Variants in BTRC observed in about 807,000 individuals in gnomAD.
BTRC encodes beta-transducin repeat containing E3 ubiquitin protein ligase.
Under a neutral mutation model 85.5 loss-of-function variants are expected in BTRC, and 42 were observed. That is an observed-to-expected ratio of 0.49 (90% CI 0.38 to 0.64). The LOEUF (loss-of-function observed/expected upper bound fraction) is 0.64, where lower values mean the gene tolerates loss of function less well. Ranked by LOEUF, BTRC falls within the 30% of genes least tolerant of loss-of-function variation. The pLI is 0.00. For missense variants in BTRC, 594 were observed against 743.5 expected, an observed-to-expected ratio of 0.80 and a Z score of 2.34; for synonymous variants, 255 against 263.3, an observed-to-expected ratio of 0.97 and a Z score of 0.30.
intron 1 of BTRC, among the ~76,000 whole-genome samples, chr10:101,403,526 C>T (rs577065681): frequency 2.3e-4 from 35 of 152,246 alleles, no homozygotes; most frequent in South Asian, 1.7e-3. Context: ...TTGAGACCAT[C>T]CAGTGAGTTT....
intron 1 of BTRC, among the ~76,000 whole-genome samples, chr10:101,392,748 T>C (rs1004845712): frequency 2.6e-5 from 4 of 152,150 alleles, no homozygotes; most frequent in Admixed American, 2.6e-4. Context: ...GGTCTCGAAC[T>C]CCTGACCTCA....
intron 3 of BTRC, among the ~76,000 whole-genome samples, chr10:101,470,620 G>A (rs991690800): frequency 2.0e-5 from 3 of 152,142 alleles, no homozygotes; most frequent in Admixed American, 1.3e-4. Flanking sequence ...GCGAGCCACC[G>A]CGCCTAGCCG....
At chr10:101,417,312 G>T (rs920306080) in intron 1 of BTRC, among the ~76,000 whole-genome samples, 1 of 152,184 alleles carries the variant, frequency 6.6e-6, no homozygotes, top group Non-Finnish European at 1.5e-5. Flanking sequence ...CAGTTCTTCA[G>T]TCTTTCCTTG....
At chr10:101,539,952 G>A (rs939183293) in intron 13 of BTRC, among the ~76,000 whole-genome samples, 5 of 152,140 alleles carry the variant, frequency 3.3e-5, no homozygotes, top group African/African-American at 1.2e-4. Context: ...GGTGAAGTGT[G>A]TTCAAATCTT....
chr10:101,519,108 C>T (rs921133154), intron 4 of BTRC, among the ~76,000 whole-genome samples: 18 of 112,490 alleles, frequency 1.6e-4, no homozygotes, highest in Non-Finnish European at 2.4e-4. Context: ...GATGGAGTTT[C>T]GCTCTCGTTG....
intron 4 of BTRC, among the ~76,000 whole-genome samples, chr10:101,482,893 A>C (rs1945879005): frequency 6.6e-6 from 1 of 152,078 alleles, no homozygotes; most frequent in African/African-American, 2.4e-5. Context: ...ATTGTACTCC[A>C]TTGTGGCCTG....
intron 8 of BTRC, among the ~76,000 whole-genome samples, chr10:101,532,750 A>ATGTGTGTG (rs71643587): frequency 0.071 from 7,267 of 102,128 alleles, 246 homozygotes; most frequent in East Asian, 0.12. Context: ...CTGAAGCTAT[A>ATGTGTGTG]TGTGTGTGTG....
chr10:101,413,675 G>GA (rs990956015), intron 1 of BTRC, among the ~76,000 whole-genome samples: 10 of 150,756 alleles, frequency 6.6e-5, no homozygotes, highest in Admixed American at 1.3e-4. Flanking sequence ...TACATTAAAG[G>GA]AAAAAAAAAC....
At chr10:101,437,844 GA>G (rs758147138) in intron 2 of BTRC, among the ~76,000 whole-genome samples, 1 of 152,020 alleles carries the variant, frequency 6.6e-6, no homozygotes, top group Non-Finnish European at 1.5e-5. Flanking sequence ...CTGCTTACCT[GA>G]AAAAACCCCT....
At chr10:101,381,627 T>C (rs1248455094) in intron 1 of BTRC, among the ~76,000 whole-genome samples, 1 of 152,182 alleles carries the variant, frequency 6.6e-6, no homozygotes, top group African/African-American at 2.4e-5. Context: ...AAATATAATT[T>C]TGAAGAGAGG....
At chr10:101,425,764 C>T (rs141653620) in intron 1 of BTRC, among the ~76,000 whole-genome samples, 10,099 of 150,986 alleles carry the variant, frequency 0.067, 353 homozygotes, top group Non-Finnish European at 0.074. Context: ...GAGCTGTGAT[C>T]GTGCCACTGC....
chr10:101,516,123 A>T (rs550849582), intron 4 of BTRC, among the ~76,000 whole-genome samples: 65 of 152,182 alleles, frequency 4.3e-4, no homozygotes, highest in Non-Finnish European at 7.3e-4. Context: ...GAAAAAGAAG[A>T]ATGTACTTTC....
At chr10:101,438,722 TTAGTA>T (rs1218044034) in intron 2 of BTRC, among the ~76,000 whole-genome samples, 35 of 152,250 alleles carry the variant, frequency 2.3e-4, no homozygotes, top group African/African-American at 8.4e-4. Flanking sequence ...TAATATAATA[TTAGTA>T]TATTTCCCCT....
At chr10:101,453,558 T>G (rs540256103) in intron 2 of BTRC, 1 of 152,350 alleles carries the variant, frequency 6.6e-6, no homozygotes, top group African/African-American at 2.4e-5. Flanking sequence ...AAGATTATTG[T>G]AAGTCATTAT....
At chr10:101,522,352 T>TAAAAAAAAAAAAAAAA (rs34282047) in intron 5 of BTRC, among the ~76,000 whole-genome samples, 4 of 42,060 alleles carry the variant, frequency 9.5e-5, no homozygotes, top group African/African-American at 2.0e-4. Flanking sequence ...TATAAAGCTT[T>TAAAAAAAAAAAAAAAA]AAAAAAAAAA....
intron 1 of BTRC, among the ~76,000 whole-genome samples, chr10:101,382,038 A>G (rs1290345604): frequency 1.7e-5 from 2 of 115,342 alleles, no homozygotes; most frequent in Non-Finnish European, 3.2e-5. Context: ...GCTGGAGTGC[A>G]GTGGCGTGAT....
chr10:101,484,661 C>T (rs548004453), intron 4 of BTRC, among the ~76,000 whole-genome samples: 12 of 152,286 alleles, frequency 7.9e-5, no homozygotes, highest in East Asian at 1.9e-4. Context: ...TTCACACAGG[C>T]GCCTCTGTCA....
chr10:101,368,998 G>A (rs557123150), intron 1 of BTRC, among the ~76,000 whole-genome samples: 5 of 152,216 alleles, frequency 3.3e-5, no homozygotes, highest in Admixed American at 3.3e-4. Context: ...CAGCTTTGGC[G>A]ACAGAGCGAG....
intron 1 of BTRC, among the ~76,000 whole-genome samples, chr10:101,374,091 C>T (rs1942719082): frequency 6.6e-6 from 1 of 152,140 alleles, no homozygotes; most frequent in Non-Finnish European, 1.5e-5. Flanking sequence ...AGTTTATCTG[C>T]TGGGCCAAAT....
Sources: gnomAD v4.1 joint callset for allele counts (sites outside exome capture counted in the v4.1 genomes callset) on GRCh38, gnomAD v4.1.1 for gene constraint, MANE v1.5 for transcripts, NCBI Gene and HGNC (gene_info 2026-07-23, HGNC 2026-07-21) for gene names.